Variants in ANKRD7 observed in about 807,000 individuals in gnomAD.
The protein encoded by ANKRD7 is ankyrin repeat domain-containing protein 7.
In ANKRD7, 30 loss-of-function variants were observed where a neutral mutation model predicts 30.8. That is an observed-to-expected ratio of 0.97 (90% CI 0.73 to 1.32). The LOEUF (loss-of-function observed/expected upper bound fraction) is 1.32, where lower values mean the gene tolerates loss of function less well. Among genes scored for constraint, ANKRD7 ranks in the 40% most tolerant of loss-of-function variants. The probability of loss-of-function intolerance (pLI) is 0.00; values close to 1 mark genes in which losing one functional copy is unlikely to be tolerated. For synonymous variants in ANKRD7, 97 were observed against 106.6 expected (o/e 0.91, Z 0.55); for missense variants, 264 against 295.7 (o/e 0.89, Z 0.79).
chr7:118,227,681 C>T (rs1809567625), intron 1 of ANKRD7, among the ~76,000 whole-genome samples: 2 of 152,084 alleles, frequency 1.3e-5, no homozygotes, highest in Non-Finnish European at 2.9e-5. Flanking sequence ...TTCAAACAAA[C>T]CCATTAACAA....
intron 5 of ANKRD7, among the ~76,000 whole-genome samples, chr7:118,238,731 A>G (rs547467494): frequency 1.3e-5 from 2 of 152,306 alleles, no homozygotes; most frequent in South Asian, 2.1e-4. Context: ...AAAATTCAGA[A>G]GCCATATGGC....
Position 118,241,521 on chromosome 7 carries a change from C to CTTTTTTTTTTTTTTT in ANKRD7, c.*38-814_*38-800dup, listed in dbSNP as rs3061682. Among the ~76,000 whole-genome samples, 28 of 84,552 alleles carry CTTTTTTTTTTTTTTT rather than the reference C, an allele frequency of 3.3e-4. 1 individual carries two copies. The highest frequency in any genetic ancestry group is 5.4e-4 in the African/African-American group (12 of 22,324). 55.5% of individuals were successfully genotyped at this position (84,552 alleles called of 152,430 possible). ...TTAGGGGAGAATTTCTCTGAATTAC[C>CTTTTTTTTTTTTTTT]TTTTTTTTTTTTTTTTTTTTTTTTT... On this transcript the variant is annotated intron_variant, in intron 6 of 6. Transcript: ENST00000265224.
chr7:118,231,546 C>A (rs1349029497), intron 1 of ANKRD7, among the ~76,000 whole-genome samples: 7 of 152,044 alleles, frequency 4.6e-5, no homozygotes, highest in Non-Finnish European at 8.8e-5. Flanking sequence ...TCTAAGTTAT[C>A]AGGAGCCCAA....
chr7:118,227,861 C>T (rs1809570706), intron 1 of ANKRD7: 2 of 1,327,778 alleles, frequency 1.5e-6, no homozygotes, highest in East Asian at 4.6e-5. Context: ...GAAAACTATA[C>T]AGTTAGGAAA....
chr7:118,232,320 A>G (rs993295527), intron 1 of ANKRD7, among the ~76,000 whole-genome samples: 2 of 151,904 alleles, frequency 1.3e-5, no homozygotes, highest in African/African-American at 4.8e-5. Flanking sequence ...GTTTTTTTTT[A>G]AACTAAGATG....
chr7:118,224,724 G>T lies in ANKRD7; in HGVS notation c.-107G>T. ...CTTCCAGCATTTCCACTTTCGTCAGGTACTGGAGAGGGCTGCCGGCCGGAT... is the reference window on the plus strand; with the variant it reads ...CTTCCAGCATTTCCACTTTCGTCAGTTACTGGAGAGGGCTGCCGGCCGGAT... On this transcript the variant is annotated 5_prime_UTR_variant, in exon 1 of 7. Coordinates refer to ENST00000265224, the MANE Select transcript of ANKRD7 (RefSeq NM_019644.4). 1 of 1,515,392 alleles carries T rather than the reference G, an allele frequency of 6.6e-7. No homozygotes were observed. The highest frequency in any genetic ancestry group is 8.8e-7 in the Non-Finnish European group (1 of 1,136,540). 93.9% of individuals were successfully genotyped at this position (1,515,392 alleles called of 1,614,324 possible). A position where few individuals can be genotyped will look rare whatever the true frequency, so the allele number is the denominator to read the frequency against.
intron 6 of ANKRD7, among the ~76,000 whole-genome samples, chr7:118,240,847 T>C (rs937478631): frequency 3.3e-5 from 5 of 152,160 alleles, no homozygotes; most frequent in African/African-American, 4.8e-5. Context: ...AATTTTGTTA[T>C]TCATTTTCAA....
chr7:118,235,705 C>T (rs1232787352), intron 3 of ANKRD7, among the ~76,000 whole-genome samples: 1 of 151,572 alleles, frequency 6.6e-6, no homozygotes, highest in Non-Finnish European at 1.5e-5. Flanking sequence ...TAAGTGAAAC[C>T]CAGTGGAAAT....
intron 3 of ANKRD7, 76 bp downstream of exon 3, chr7:118,234,950 G>A (rs909625291): frequency 1.2e-4 from 156 of 1,259,208 alleles, no homozygotes; most frequent in Non-Finnish European, 1.5e-4. Context: ...ATTCATCTAT[G>A]TTGAAATATA....
At chr7:118,239,165 G>A (rs965544731) in intron 5 of ANKRD7, among the ~76,000 whole-genome samples, 1 of 152,196 alleles carries the variant, frequency 6.6e-6, no homozygotes, top group South Asian at 2.1e-4. Context: ...TAGGAATGGG[G>A]CAGCACAGCA....
At chr7:118,239,683 A>G in intron 5 of ANKRD7, 1 of 307,266 alleles carries the variant, frequency 3.3e-6, no homozygotes, top group Non-Finnish European at 6.0e-6. Context: ...TGGCTTTTAA[A>G]AAAATCATAT....
chr7:118,229,112 C>G (rs1809590666), intron 1 of ANKRD7, among the ~76,000 whole-genome samples: 1 of 152,108 alleles, frequency 6.6e-6, no homozygotes, highest in Admixed American at 6.6e-5. Flanking sequence ...GGCCTTCTTA[C>G]TGTTCCACAG....
intron 1 of ANKRD7, among the ~76,000 whole-genome samples, chr7:118,232,190 T>C (rs999115280): frequency 1.1e-4 from 16 of 152,054 alleles, no homozygotes; most frequent in African/African-American, 3.6e-4. Flanking sequence ...TTTTTTTGTT[T>C]GTTTGTTTGT....
At chr7:118,229,953 A>G (rs1337913187) in intron 1 of ANKRD7, among the ~76,000 whole-genome samples, 1 of 152,144 alleles carries the variant, frequency 6.6e-6, no homozygotes, top group Non-Finnish European at 1.5e-5. Flanking sequence ...CAATAGTTGT[A>G]GGAAAAACAT....
Position 118,239,929 on chromosome 7 carries a change from G to T in ANKRD7, c.733G>T (p.Ala245Ser). The change falls in exon 6 of 7, where the codon GCG becomes TCG. Residue 245 changes from alanine to serine, a missense_variant. Ala to Ser is a moderately conservative substitution (Grantham distance 99). Transcript: ENST00000265224. ...TATAGATAGATACCCACAATTCACT[G>T]CGAGCCATGGAAAGAAGAAACATGC... ...VLLHRYPQFT[A>S]SHGKKKHAK The T allele has an allele frequency of 6.3e-7, 1 of 1,596,012 alleles. No individual in the cohort carries two copies. The highest frequency in any genetic ancestry group is 8.6e-7 in the Non-Finnish European group (1 of 1,168,562).
At chr7:118,231,991 T>C (rs1190343759) in intron 1 of ANKRD7, among the ~76,000 whole-genome samples, 1 of 152,138 alleles carries the variant, frequency 6.6e-6, no homozygotes, top group Non-Finnish European at 1.5e-5. Flanking sequence ...TTAAGGATTT[T>C]TGACAAATGG....
In ANKRD7 at chr7:118,234,411, G is replaced by A; in HGVS notation, c.180-20G>A. 6.6e-7 allele frequency: 1 copy of A among 1,505,738 alleles called. No homozygotes were observed. The highest frequency in any genetic ancestry group is 9.0e-7 in the Non-Finnish European group (1 of 1,109,518). The allele number at this position is 1,505,738 out of a possible 1,614,324, so 93.3% of individuals were successfully genotyped here. ...AACGAAGACTTATCTCTAACTTTGT[G>A]TTTTGTTTTATTGACATAGAACACC... On this transcript the variant is annotated intron_variant, in intron 1 of 6. Coordinates refer to ENST00000265224, the MANE Select transcript of ANKRD7 (RefSeq NM_019644.4).
intron 1 of ANKRD7, among the ~76,000 whole-genome samples, chr7:118,225,367 A>G (rs897815528): frequency 2.0e-5 from 3 of 151,972 alleles, no homozygotes; most frequent in African/African-American, 7.3e-5. Context: ...GGACGCCTGT[A>G]ATCCCAGCTA....
rs1470723027 is a variant in ANKRD7 at position 118,239,968 on chromosome 7, T to C, written c.*7T>C. 2 of 1,585,084 alleles carry C rather than the reference T, an allele frequency of 1.3e-6. No individual in the cohort carries two copies. The highest frequency in any genetic ancestry group is 2.7e-5 in the African/African-American group (2 of 74,466). ...GAAGAAACATGCTAAATAGACACCT[T>C]ATTCTTGGCACTACATGTGACTAAA... is the stretch of plus-strand genomic sequence containing the variant. On this transcript the variant is annotated 3_prime_UTR_variant, in exon 6 of 7. Transcript: ENST00000265224.
Sources: allele counts gnomAD v4.1 joint callset (sites outside exome capture counted in the v4.1 genomes callset), GRCh38; gene constraint gnomAD v4.1.1; transcripts MANE v1.5; gene names NCBI Gene and HGNC (gene_info 2026-07-23, HGNC 2026-07-21).